The following SNX29 variants were observed in gnomAD, a reference collection of about 807,000 sequenced individuals.
SNX29 encodes the protein sorting nexin 29.
Under a neutral mutation model 102.1 loss-of-function variants are expected in SNX29, and 78 were observed. That is an observed-to-expected ratio of 0.76 (90% confidence interval 0.64 to 0.92). SNX29 has a LOEUF of 0.92. Among genes scored for constraint, SNX29 ranks in the 40% least tolerant of loss-of-function variants. The pLI, the probability that SNX29 is intolerant of heterozygous loss-of-function variation, is 0.00. For synonymous variants in SNX29, 580 were observed against 414.5 expected (o/e 1.40, Z -4.85); for missense variants, 1,280 against 1,061.7 (o/e 1.21, Z -2.86).
At chr16:12,244,526 T>A (rs757853503) in intron 14 of SNX29, among the ~76,000 whole-genome samples, 9 of 152,062 alleles carry the variant, frequency 5.9e-5, no homozygotes, top group Non-Finnish European at 1.3e-4. Context: ...GGAGAATTGC[T>A]TGAAACCTGG....
In SNX29 at chr16:12,561,909, C is replaced by T. The variant is rs141210438; in HGVS notation, c.2319-6597C>T. Among the ~76,000 whole-genome samples, 102 of 152,306 alleles carry T rather than the reference C, an allele frequency of 6.7e-4. 1 individual carries two copies. The highest frequency in any genetic ancestry group is 2.3e-3 in the African/African-American group (97 of 41,576). On this transcript the variant is annotated intron_variant, in intron 20 of 20. Coordinates refer to ENST00000566228, the MANE Select transcript of SNX29 (RefSeq NM_032167.5). ...GACCGTGGCATCCCAGGAGTTCCTT[C>T]TCCAGTTGCCTTCCAGGTGAGCTTA...
rs2049830604 is a variant in SNX29 at position 12,040,362 on chromosome 16, C to T, written c.248-2535C>T. 1.3e-5 allele frequency among the ~76,000 whole-genome samples: 2 copies of T among 151,488 alleles called. 1 individual carries two copies. The highest frequency in any genetic ancestry group is 4.2e-4 in the South Asian group (2 of 4,778). On this transcript the variant is annotated intron_variant, in intron 4 of 20. Transcript: ENST00000566228. ...GGTGACAGAGGGAGAGGCCCTGTCT[C>T]AAAAATAAATAAATAATAATTAATT... is the stretch of plus-strand genomic sequence containing the variant.
At chr16:12,568,433 G>A in intron 20 of SNX29, 73 bp from the exon 21 acceptor site, 2 of 1,580,294 alleles carry the variant, frequency 1.3e-6, no homozygotes, top group Non-Finnish European at 1.7e-6. Context: ...CTCACACCTG[G>A]CTCCCCTTCC....
At chr16:12,374,380 A>G (rs2082796962) in intron 16 of SNX29, 1 of 152,200 alleles carries the variant, frequency 6.6e-6, no homozygotes, top group African/African-American at 2.4e-5. Flanking sequence ...TCTGTTGCTC[A>G]GAATGTCTTT....
At chr16:12,567,899 C>T (rs1342103304) in intron 20 of SNX29, among the ~76,000 whole-genome samples, 1 of 152,244 alleles carries the variant, frequency 6.6e-6, no homozygotes, top group Admixed American at 6.5e-5. Flanking sequence ...AACCCAGACC[C>T]ATGCCCTGGG....
At chr16:12,147,616 A>AT (rs1370768311) in intron 13 of SNX29, among the ~76,000 whole-genome samples, 2 of 152,220 alleles carry the variant, frequency 1.3e-5, no homozygotes, top group African/African-American at 4.8e-5. Flanking sequence ...AATGGTTGGA[A>AT]TGAAACAGCT....
intron 11 of SNX29, among the ~76,000 whole-genome samples, chr16:12,104,549 C>G (rs147186288): frequency 0.012 from 1,803 of 151,878 alleles, 38 homozygotes; most frequent in African/African-American, 0.041. Context: ...GAGCGAGACT[C>G]CATCTCAAAC....
intron 13 of SNX29, among the ~76,000 whole-genome samples, chr16:12,131,497 A>T (rs936482998): frequency 6.6e-5 from 10 of 151,962 alleles, no homozygotes; most frequent in Non-Finnish European, 1.2e-4. Context: ...TATAGGCCTC[A>T]TGTTAACCAT....
chr16:12,075,766 G>A (rs1366809542), intron 10 of SNX29, among the ~76,000 whole-genome samples: 1 of 152,226 alleles, frequency 6.6e-6, no homozygotes. Flanking sequence ...CCTGCCCCCA[G>A]AGGTGGAGCC....
chr16:12,453,102 G>T (rs1558820), intron 18 of SNX29, among the ~76,000 whole-genome samples: 52,326 of 151,898 alleles, frequency 0.34, 9,040 homozygotes, highest in South Asian at 0.43. Context: ...TCTCCCAGGC[G>T]TATAGACAGC....
chr16:12,363,844 T>G (rs2082374464), intron 16 of SNX29, among the ~76,000 whole-genome samples: 2 of 152,234 alleles, frequency 1.3e-5, no homozygotes, highest in African/African-American at 4.8e-5. Context: ...ATTATACTTG[T>G]GGGTTGAGCA....
intron 3 of SNX29, among the ~76,000 whole-genome samples, chr16:12,024,406 A>C (rs2057130382): frequency 6.6e-6 from 1 of 152,098 alleles, no homozygotes; most frequent in Admixed American, 6.6e-5. Flanking sequence ...TTGGCCTGCC[A>C]AAGTGCTGAG....
intron 16 of SNX29, among the ~76,000 whole-genome samples, chr16:12,382,317 C>A (rs11075065): frequency 1.3e-5 from 2 of 151,954 alleles, no homozygotes; most frequent in Non-Finnish European, 1.5e-5. Context: ...TGGTGTGAAC[C>A]TTGCTCCGTC....
At chr16:12,067,417 C>T (rs763903103) in intron 9 of SNX29, among the ~76,000 whole-genome samples, 34 of 152,114 alleles carry the variant, frequency 2.2e-4, no homozygotes, top group East Asian at 1.5e-3. Context: ...GAGGCGTGCT[C>T]TCTCCAGCAC....
At chr16:12,199,846 A>G (rs925764825) in intron 14 of SNX29, among the ~76,000 whole-genome samples, 163 bp downstream of exon 14, 1 of 152,252 alleles carries the variant, frequency 6.6e-6, no homozygotes, top group African/African-American at 2.4e-5. Flanking sequence ...GGAAAACCTG[A>G]TGCGTATCCC....
At chr16:12,483,877 A>T (rs934529322) in intron 19 of SNX29, among the ~76,000 whole-genome samples, 2 of 152,308 alleles carry the variant, frequency 1.3e-5, no homozygotes, top group South Asian at 4.1e-4. Context: ...ATACATGGAA[A>T]TTCCACTTGC....
Position 12,027,410 on chromosome 16 carries a change from G to A in SNX29, c.213G>A (p.Lys71=), listed in dbSNP as rs771321610. Residue 71 remains lysine, a synonymous_variant, in exon 4 of 21, where the codon AAG becomes AAA. Coordinates refer to ENST00000566228, the MANE Select transcript of SNX29 (RefSeq NM_032167.5). ...RGLALTAAAI[K]QAAGFASKTE... Reference sequence around the variant, plus strand: ...TGGCACTCACAGCGGCAGCGATCAAGCAGGCAGCGGGCTTTGCCAGCAAAA... The same window carrying A: ...TGGCACTCACAGCGGCAGCGATCAAACAGGCAGCGGGCTTTGCCAGCAAAA... 1 of 1,614,104 alleles carries A rather than the reference G, an allele frequency of 6.2e-7. No individual in the cohort carries two copies. The highest frequency in any genetic ancestry group is 1.1e-5 in the South Asian group (1 of 91,074).
At chr16:11,997,085 A>G (rs953991719) in intron 1 of SNX29, among the ~76,000 whole-genome samples, 3 of 152,112 alleles carry the variant, frequency 2.0e-5, no homozygotes, top group Non-Finnish European at 4.4e-5. Context: ...TTAGTATTCA[A>G]ATTTCAACAG....
intron 20 of SNX29, among the ~76,000 whole-genome samples, chr16:12,549,441 C>G (rs898792183): frequency 9.9e-5 from 15 of 152,136 alleles, no homozygotes; most frequent in African/African-American, 3.6e-4. Flanking sequence ...GTTGCAGTGA[C>G]CTAAGATTGC....
Sources: gnomAD v4.1 joint callset for allele counts (sites outside exome capture counted in the v4.1 genomes callset) on GRCh38, gnomAD v4.1.1 for gene constraint, MANE v1.5 for transcripts, NCBI Gene and HGNC (gene_info 2026-07-23, HGNC 2026-07-21) for gene names.